DNAJC6: variants seen among roughly 807,000 people sequenced by gnomAD.
The protein encoded by DNAJC6 is auxilin.
Under a neutral mutation model 110.0 loss-of-function variants are expected in DNAJC6, and 34 were observed. That is an observed-to-expected ratio of 0.31 (90% CI 0.24 to 0.41). The LOEUF is 0.41. Among genes scored for constraint, DNAJC6 ranks in the 10% least tolerant of loss-of-function variants. DNAJC6 has a pLI of 1.00. For synonymous variants in DNAJC6, 406 were observed against 437.2 expected, an observed-to-expected ratio of 0.93 and a Z score of 0.89; for missense variants, 1,031 against 1,207.8, an observed-to-expected ratio of 0.85 and a Z score of 2.17.
At chr1:65,385,574 C>T in intron 6 of DNAJC6, 138 bp from the exon 7 acceptor site, 1 of 696,190 alleles carries the variant, frequency 1.4e-6, no homozygotes. Flanking sequence ...TTATCTTTTG[C>T]TAGTTAATAT....
At chr1:65,353,112 AATTAAGAGGGAAATGTC>A (rs1475020049) in intron 1 of DNAJC6, among the ~76,000 whole-genome samples, 1 of 152,156 alleles carries the variant, frequency 6.6e-6, no homozygotes, top group Non-Finnish European at 1.5e-5. Flanking sequence ...CCAGGGTGGT[AATTAAGAGGGAAATGTC>A]ATAGTCCATT....
intron 13 of DNAJC6, among the ~76,000 whole-genome samples, chr1:65,398,357 C>T (rs1290611610): frequency 6.6e-6 from 1 of 152,190 alleles, no homozygotes; most frequent in East Asian, 1.9e-4. Context: ...GATTATGCTT[C>T]TATACTTAAT....
At chr1:65,303,987 C>G (rs1645014359) in intron 1 of DNAJC6, among the ~76,000 whole-genome samples, 3 of 152,152 alleles carry the variant, frequency 2.0e-5, no homozygotes, top group African/African-American at 7.2e-5. Flanking sequence ...AAAGCATGAT[C>G]AGAAAGATGG....
chr1:65,331,516 A>T (rs182193152), intron 1 of DNAJC6, among the ~76,000 whole-genome samples: 2 of 152,352 alleles, frequency 1.3e-5, no homozygotes, highest in African/African-American at 4.8e-5. Flanking sequence ...AAGGTTGTAC[A>T]GCGATTACAG....
chr1:65,288,705 T>C (rs1157675208), intron 1 of DNAJC6, among the ~76,000 whole-genome samples: 1 of 152,226 alleles, frequency 6.6e-6, no homozygotes, highest in Non-Finnish European at 1.5e-5. Context: ...GAATAACTAA[T>C]GACCCAATGT....
At chr1:65,405,485 A>G (rs1447339667) in intron 15 of DNAJC6, among the ~76,000 whole-genome samples, 1 of 152,186 alleles carries the variant, frequency 6.6e-6, no homozygotes, top group Non-Finnish European at 1.5e-5. Context: ...GTGAAGAAAC[A>G]GAATCTGCTC....
intron 1 of DNAJC6, among the ~76,000 whole-genome samples, chr1:65,350,262 C>G (rs1645478452): frequency 6.6e-6 from 1 of 152,124 alleles, no homozygotes; most frequent in Non-Finnish European, 1.5e-5. Context: ...TTTTCTTTTG[C>G]AGTTTCGAAT....
At chr1:65,312,763 A>C (rs945400516) in intron 1 of DNAJC6, among the ~76,000 whole-genome samples, 1 of 152,186 alleles carries the variant, frequency 6.6e-6, no homozygotes, top group Non-Finnish European at 1.5e-5. Context: ...ACTTGGGATC[A>C]AACCTCTGCA....
chr1:65,378,203 G>A (rs1645785217), intron 4 of DNAJC6, among the ~76,000 whole-genome samples: 1 of 152,124 alleles, frequency 6.6e-6, no homozygotes, highest in African/African-American at 2.4e-5. Flanking sequence ...CCTACCTTTA[G>A]GCTCTTGTTA....
At chr1:65,271,599 G>T (rs1410207451) in intron 1 of DNAJC6, among the ~76,000 whole-genome samples, 1 of 152,070 alleles carries the variant, frequency 6.6e-6, no homozygotes, top group African/African-American at 2.4e-5. Context: ...GGGTGCGGTG[G>T]CTTATGACTG....
intron 1 of DNAJC6, among the ~76,000 whole-genome samples, chr1:65,312,109 T>C (rs2101372025): frequency 6.6e-6 from 1 of 152,254 alleles, no homozygotes; most frequent in East Asian, 1.9e-4. Flanking sequence ...TTAAGAATAT[T>C]GTTATCTCTA....
intron 1 of DNAJC6, among the ~76,000 whole-genome samples, chr1:65,327,078 T>G (rs962805213): frequency 2.6e-5 from 4 of 152,180 alleles, no homozygotes; most frequent in Admixed American, 6.5e-5. Flanking sequence ...AGGTAAAAAG[T>G]AAGAGGGTTG....
At chr1:65,302,396 C>A (rs11805061) in intron 1 of DNAJC6, among the ~76,000 whole-genome samples, 16,455 of 148,006 alleles carry the variant, frequency 0.11, 1,229 homozygotes, top group East Asian at 0.27. Context: ...ATAGGTGGTA[C>A]CATTAACAGG....
intron 14 of DNAJC6, 53 bp from the exon 15 acceptor site, chr1:65,401,708 C>T: frequency 6.3e-7 from 1 of 1,576,026 alleles, no homozygotes; most frequent in Admixed American, 2.0e-5. Flanking sequence ...CTGAATTTCA[C>T]AATTCAGCCT....
At chr1:65,328,144 AATT>A (rs954516983) in intron 1 of DNAJC6, among the ~76,000 whole-genome samples, 1 of 152,248 alleles carries the variant, frequency 6.6e-6, no homozygotes, top group Non-Finnish European at 1.5e-5. Context: ...TACATAGGAA[AATT>A]ATTGTAAAGA....
chr1:65,310,379 A>G (rs948202912), intron 1 of DNAJC6, among the ~76,000 whole-genome samples: 8 of 152,178 alleles, frequency 5.3e-5, no homozygotes, highest in African/African-American at 1.9e-4. Context: ...TGCAGACGGT[A>G]TTTATTCCAA....
At chr1:65,302,942 C>A (rs1285569900) in intron 1 of DNAJC6, among the ~76,000 whole-genome samples, 1 of 152,138 alleles carries the variant, frequency 6.6e-6, no homozygotes, top group South Asian at 2.1e-4. Context: ...ACTTTCTGGC[C>A]CCAGAAACTG....
At chr1:65,406,164 G>A in intron 16 of DNAJC6, 31 bp downstream of exon 16, 1 of 1,592,210 alleles carries the variant, frequency 6.3e-7, no homozygotes, top group Non-Finnish European at 8.6e-7. Context: ...CCTAGCTATG[G>A]GGCAGCCTGT....
At chr1:65,377,145 G>T (rs888514331) in intron 4 of DNAJC6, among the ~76,000 whole-genome samples, 10 of 152,216 alleles carry the variant, frequency 6.6e-5, no homozygotes, top group Non-Finnish European at 1.5e-4. Context: ...CTAATGAAAA[G>T]AATATAAATT....
Sources: gnomAD v4.1 joint callset for allele counts (sites outside exome capture counted in the v4.1 genomes callset) on GRCh38, gnomAD v4.1.1 for gene constraint, MANE v1.5 for transcripts, NCBI Gene and HGNC (gene_info 2026-07-23, HGNC 2026-07-21) for gene names.